Variants in SLC24A2 observed in about 807,000 individuals in gnomAD.
SLC24A2 encodes the protein solute carrier family 24 member 2, also known as sodium/potassium/calcium exchanger 2.
SLC24A2 carries 36 observed loss-of-function variants against 62.0 expected under a neutral mutation model. The ratio of observed to expected loss-of-function variants is 0.58; its 90% CI spans 0.44 to 0.77. The LOEUF is 0.77. Ranked by LOEUF, SLC24A2 falls within the 30% of genes least tolerant of loss-of-function variation. The probability of loss-of-function intolerance (pLI) is 0.00; values close to 1 mark genes in which losing one functional copy is unlikely to be tolerated. For synonymous variants in SLC24A2, 358 were observed against 294.0 expected, an observed-to-expected ratio of 1.22 and a Z score of -2.23; for missense variants, 846 against 817.9, an observed-to-expected ratio of 1.03 and a Z score of -0.42.
chr9:20,094,434 A>C, the SLC24A2 span, among the ~76,000 whole-genome samples: 1 of 152,230 alleles, frequency 6.6e-6, no homozygotes, highest in Non-Finnish European at 1.5e-5. Context: ...GTCAACGATA[A>C]AATTTAAGCT....
the SLC24A2 span, among the ~76,000 whole-genome samples, chr9:20,175,265 C>T: frequency 5.9e-5 from 9 of 151,846 alleles, no homozygotes; most frequent in South Asian, 6.2e-4. Flanking sequence ...GGATAAAAAA[C>T]GACAAATTGG....
rs116530762 is a variant in SLC24A2 at position 19,704,018 on chromosome 9, T to C, written c.931-81719A>G. Among the ~76,000 whole-genome samples, 1,209 of 152,342 alleles carry C rather than the reference T, an allele frequency of 7.9e-3. 15 individuals carry two copies. The highest frequency in any genetic ancestry group is 0.025 in the African/African-American group (1,038 of 41,584). On this transcript the variant is annotated intron_variant, in intron 2 of 10. Coordinates refer to ENST00000341998, the MANE Select transcript of SLC24A2 (RefSeq NM_020344.4). ...TGGAAATAACTCCAGTGTTTGATCA[T>C]ATAGGGCTTAGTTATATAAAATCAA... is the stretch of plus-strand genomic sequence containing the variant.
the SLC24A2 span, among the ~76,000 whole-genome samples, chr9:19,861,649 A>G: frequency 6.6e-6 from 1 of 152,218 alleles, no homozygotes; most frequent in South Asian, 2.1e-4. Context: ...AGATAACTCA[A>G]AATAGCTTTC....
intron 2 of SLC24A2, among the ~76,000 whole-genome samples, chr9:19,749,255 T>C (rs1275581862): frequency 1.3e-5 from 2 of 152,066 alleles, no homozygotes; most frequent in South Asian, 2.1e-4. Flanking sequence ...AAGAACAGCA[T>C]ACATTTCATT....
the SLC24A2 span, among the ~76,000 whole-genome samples, chr9:20,184,635 C>A: frequency 6.6e-6 from 1 of 152,080 alleles, no homozygotes; most frequent in South Asian, 2.1e-4. Context: ...GGAAAGGAAG[C>A]CCTTGCATAG....
the SLC24A2 span, among the ~76,000 whole-genome samples, chr9:20,200,181 T>C: frequency 6.6e-6 from 1 of 152,116 alleles, no homozygotes; most frequent in South Asian, 2.1e-4. Flanking sequence ...AATATAGATA[T>C]TATCTCCATT....
chr9:19,979,992 C>A, the SLC24A2 span, among the ~76,000 whole-genome samples: 2 of 152,204 alleles, frequency 1.3e-5, no homozygotes, highest in Admixed American at 6.5e-5. Flanking sequence ...GATTCAATTT[C>A]TCAACTGAAG....
chr9:20,271,292 T>C, the SLC24A2 span, among the ~76,000 whole-genome samples: 3 of 152,236 alleles, frequency 2.0e-5, no homozygotes, highest in African/African-American at 7.2e-5. Context: ...CCTTCAATGA[T>C]GCATGTCTGA....
At chr9:20,089,195 G>T in the SLC24A2 span, among the ~76,000 whole-genome samples, 1 of 152,152 alleles carries the variant, frequency 6.6e-6, no homozygotes, top group Admixed American at 6.5e-5. Flanking sequence ...GCAGGGACCA[G>T]AAACTGGTCT....
intron 2 of SLC24A2, among the ~76,000 whole-genome samples, chr9:19,658,934 C>T (rs192168427): frequency 6.6e-6 from 1 of 152,192 alleles, no homozygotes; most frequent in South Asian, 2.1e-4. Context: ...AACGAACGTA[C>T]ACAAGTGCTT....
the SLC24A2 span, among the ~76,000 whole-genome samples, chr9:20,051,959 A>C: frequency 6.6e-6 from 1 of 151,900 alleles, no homozygotes; most frequent in Non-Finnish European, 1.5e-5. Context: ...CTGGATAATA[A>C]TTGTTTCTAG....
At chr9:19,525,274 A>G (rs1027721149) in intron 9 of SLC24A2, among the ~76,000 whole-genome samples, 13 of 149,910 alleles carry the variant, frequency 8.7e-5, no homozygotes, top group Admixed American at 2.0e-4. Flanking sequence ...TTTTCTGTGG[A>G]TTTTGCTAGT....
chr9:19,888,598 G>T, the SLC24A2 span, among the ~76,000 whole-genome samples: 60,320 of 151,936 alleles, frequency 0.4, 12,560 homozygotes, highest in East Asian at 0.82. Flanking sequence ...GCCTAAGAGG[G>T]ATTCTGGAAG....
chr9:19,948,844 CA>C, the SLC24A2 span, among the ~76,000 whole-genome samples: 3,938 of 71,722 alleles, frequency 0.055, 26 homozygotes, highest in African/African-American at 0.08. Flanking sequence ...GACTCCGTCT[CA>C]AAAAAAAAAA....
At chr9:19,744,919 A>C (rs991590685) in intron 2 of SLC24A2, among the ~76,000 whole-genome samples, 1 of 152,120 alleles carries the variant, frequency 6.6e-6, no homozygotes, top group Non-Finnish European at 1.5e-5. Flanking sequence ...CACTCTTCTG[A>C]AAGTGTATTC....
intron 2 of SLC24A2, among the ~76,000 whole-genome samples, chr9:19,675,376 T>C (rs1173221146): frequency 6.6e-6 from 1 of 152,040 alleles, no homozygotes; most frequent in African/African-American, 2.4e-5. Context: ...TCAGCTGCCA[T>C]AGTATAGGGA....
chr9:19,536,048 G>A (rs1414783361), intron 8 of SLC24A2, among the ~76,000 whole-genome samples: 1 of 151,628 alleles, frequency 6.6e-6, no homozygotes, highest in Non-Finnish European at 1.5e-5. Flanking sequence ...CCTTGAAGAG[G>A]TCCTTCACAT....
At chr9:19,691,425 A>C (rs1221979720) in intron 2 of SLC24A2, among the ~76,000 whole-genome samples, 1 of 152,124 alleles carries the variant, frequency 6.6e-6, no homozygotes, top group Non-Finnish European at 1.5e-5. Context: ...TAGGGAATCA[A>C]TCTTTGGAAA....
intron 4 of SLC24A2, among the ~76,000 whole-genome samples, chr9:19,607,590 A>G (rs956839048): frequency 6.6e-6 from 1 of 152,132 alleles, no homozygotes; most frequent in East Asian, 1.9e-4. Context: ...ATAGTGGTGC[A>G]TGCCTGTAAT....
Sources: gnomAD v4.1 joint callset for allele counts (sites outside exome capture counted in the v4.1 genomes callset) on GRCh38, gnomAD v4.1.1 for gene constraint, MANE v1.5 for transcripts, NCBI Gene and HGNC (gene_info 2026-07-23, HGNC 2026-07-21) for gene names.